Variants in MUCL3 observed in about 807,000 individuals in gnomAD.
The protein encoded by MUCL3 is mucin-like protein 3.
MUCL3 carries 42 observed loss-of-function variants against 70.2 expected under a neutral mutation model. That is an observed-to-expected ratio of 0.60 (90% confidence interval 0.47 to 0.77). The LOEUF is 0.77. Among genes scored for constraint, MUCL3 ranks in the 30% least tolerant of loss-of-function variants. The probability of loss-of-function intolerance (pLI) is 0.00; values close to 1 mark genes in which losing one functional copy is unlikely to be tolerated. For synonymous variants in MUCL3, 522 were observed against 647.0 expected, an observed-to-expected ratio of 0.81 and a Z score of 2.93; for missense variants, 1,429 against 1,670.0, an observed-to-expected ratio of 0.86 and a Z score of 2.52.
At chr6:30,944,353 C>T (rs1030516325) in intron 1 of MUCL3, among the ~76,000 whole-genome samples, 1 of 152,096 alleles carries the variant, frequency 6.6e-6, no homozygotes, top group African/African-American at 2.4e-5. Flanking sequence ...ATGATCTTGG[C>T]TCACTGCAGC....
Position 30,941,098 on chromosome 6 carries a change from G to T in MUCL3, c.82+17G>T. The T allele has an allele frequency of 6.5e-7, 1 of 1,548,376 alleles. No homozygotes were observed. ...GGGGGGCAGGTAAGATGCCCACAGG[G>T]GATACAGAAGACAGAAACAGCTTGT... On this transcript the variant is annotated intron_variant, in intron 1 of 2. Transcript: ENST00000462446.
At chr6:30,952,945 TTCC>T (rs1760784840) in intron 2 of MUCL3, 23 bp from the exon 3 acceptor site, 3 of 1,612,416 alleles carry the variant, frequency 1.9e-6, no homozygotes, top group Non-Finnish European at 2.5e-6. Context: ...ATGGTTCTCA[TTCC>T]TCCTTTCTCA....
rs140272417 is a variant in MUCL3, at chr6:30,951,933, G to C, written c.3469G>C (p.Glu1157Gln). 4.9e-5 allele frequency: 79 copies of C among 1,613,116 alleles called. No individual in the cohort carries two copies. In the South Asian group the frequency reaches 8.2e-4, roughly 17 times the overall value. Residue 1157 changes from glutamate (E) to glutamine (Q), a missense_variant, in exon 2 of 3, where the codon GAG becomes CAG. Coordinates refer to ENST00000462446, the MANE Select transcript of MUCL3 (RefSeq NM_080870.4). ...KHAKRTTLAH[E>Q]KMTQVTEKST... ...TGCAAAAAGGACCACATTGGCCCAT[G>C]AGAAGATGACACAAGTCACAGAAAA...
Position 30,951,607 on chromosome 6 carries a change from C to A in MUCL3, c.3143C>A (p.Thr1048Asn), listed in dbSNP as rs748586278. 1.6e-5 allele frequency: 24 copies of A among 1,542,258 alleles called. 1 individual carries two copies. In the South Asian group the frequency reaches 2.6e-4, roughly 17 times the overall value. The change falls in exon 2 of 3, where the codon ACC (threonine) becomes AAC (asparagine). Residue 1048 changes from threonine (T) to asparagine (N), a missense_variant. Thr to Asn is a moderately conservative substitution (Grantham distance 65). Transcript: ENST00000462446. ...PAKPTEHEEM[T>N]PSANENTTPS... is the part of the protein sequence containing the mutation. The stretch of plus-strand genomic sequence containing the variant: ...AAGCCTACAGAACACGAAGAAATGA[C>A]CCCATCGGCCAATGAGAACACCACA...
At position 30,951,151 on chromosome 6, in the gene MUCL3, C is replaced by T. The variant is rs1760658883; in HGVS notation, c.2687C>T (p.Ser896Phe). ...TPLANEKTTL[S>F]PAEPTENGER... ...TTGGCCAATGAGAAGACCACACTAT[C>T]CCCAGCAGAGCCTACAGAAAATGGA... The change falls in exon 2 of 3, where the codon TCC (serine) becomes TTC (phenylalanine). Residue 896 changes from serine (S) to phenylalanine (F), a missense_variant. By Grantham distance (155) the Ser-to-Phe change is radical. Coordinates refer to ENST00000462446, the MANE Select transcript of MUCL3 (RefSeq NM_080870.4). 6.4e-7 allele frequency: 1 copy of T among 1,551,590 alleles called. No homozygotes were observed. The highest frequency in any genetic ancestry group is 1.4e-5 in the African/African-American group (1 of 72,808).
chr6:30,944,077 T>C (rs1379676206), intron 1 of MUCL3, among the ~76,000 whole-genome samples: 4 of 152,184 alleles, frequency 2.6e-5, no homozygotes, highest in Admixed American at 6.5e-5. Flanking sequence ...AAATGGAGCA[T>C]GCCATTTATG....
chr6:30,946,272 C>T (rs1171517732), intron 1 of MUCL3: 1 of 152,238 alleles, frequency 6.6e-6, no homozygotes, highest in East Asian at 1.9e-4. Context: ...ATGGTCCATA[C>T]TTCCTTTAAT....
chr6:30,941,457 CTT>C (rs9278811), intron 1 of MUCL3, among the ~76,000 whole-genome samples: 25,401 of 103,710 alleles, frequency 0.24, 2,536 homozygotes, highest in East Asian at 0.4. Context: ...TCTTCTTCTT[CTT>C]TTTTTTTTTT....
rs974639510 is a variant in MUCL3, at chr6:30,951,674, A to G, written c.3210A>G (p.Thr1070=). 3.2e-6 allele frequency: 5 copies of G among 1,552,202 alleles called. No homozygotes were observed. The highest frequency in any genetic ancestry group is 4.4e-6 in the Non-Finnish European group (5 of 1,147,030). ...CTACAGAACATGGAGAAAAGACTAC[A>G]TTGGCCAATGAGAAGATCACACTAT... is the stretch of plus-strand genomic sequence containing the variant. ...VKPTEHGEKT[T]LANEKITLSP... Residue 1070 remains threonine, a synonymous_variant, in exon 2 of 3, where the codon ACA becomes ACG. Transcript: ENST00000462446.
chr6:30,951,438 G>A lies in MUCL3; in HGVS notation c.2974G>A (p.Glu992Lys), dbSNP rs1760683073. ...ENGERTPLAN[E>K]NTTTSPTEST... ...TGGAGAAAGGACCCCACTGGCCAAT[G>A]AGAACACCACAACATCCCCAACAGA... Residue 992 changes from glutamate (E) to lysine (K), a missense_variant, in exon 2 of 3, where the codon GAG becomes AAG. Coordinates refer to ENST00000462446, the MANE Select transcript of MUCL3 (RefSeq NM_080870.4). The A allele has an allele frequency of 3.2e-6, 5 of 1,550,720 alleles. No individual in the cohort carries two copies. The highest frequency in any genetic ancestry group is 1.4e-5 in the African/African-American group (1 of 72,550).
Position 30,951,089 on chromosome 6 carries a change from C to T in MUCL3, c.2625C>T (p.Ser875=). ...EWTANENTTL[S]PAEPTEHEEM... The stretch of plus-strand genomic sequence containing the variant: ...CAGCCAATGAGAACACCACACTATC[C>T]CCAGCAGAGCCTACAGAACATGAAG... The change falls in exon 2 of 3, where the codon TCC becomes TCT. Residue 875 remains serine (S), a synonymous_variant. Transcript: ENST00000462446. 1 of 1,551,208 alleles carries T rather than the reference C, an allele frequency of 6.4e-7. No individual in the cohort carries two copies. The highest frequency in any genetic ancestry group is 1.2e-5 in the South Asian group (1 of 84,014).
In MUCL3 at chr6:30,953,856, A is replaced by T. The variant is rs573562520; in HGVS notation, c.*739A>T. On this transcript the variant is annotated 3_prime_UTR_variant, in exon 3 of 3. Transcript: ENST00000462446. Reference sequence around the variant, plus strand: ...CTTGCTGGGTTGTGGGTGGACACGCAAGGAGGGGATTTTTATTTGGCCAGC... The same window carrying T: ...CTTGCTGGGTTGTGGGTGGACACGCTAGGAGGGGATTTTTATTTGGCCAGC... 1 of 152,078 alleles carries T rather than the reference A, an allele frequency of 6.6e-6. No homozygotes were observed. Among genetic ancestry groups the T allele is most frequent in the Non-Finnish European group, 1.5e-5 (1 of 68,006 alleles). The allele number at this position is 152,078 out of a possible 1,614,324, so 9.4% of individuals were successfully genotyped here.
chr6:30,949,134 T>A lies in MUCL3; in HGVS notation c.670T>A (p.Ser224Thr), dbSNP rs1261862102. 12 of 1,551,290 alleles carry A rather than the reference T, an allele frequency of 7.7e-6. No individual in the cohort carries two copies. Among genetic ancestry groups the A allele is most frequent in the Non-Finnish European group, 1.0e-5 (12 of 1,146,922 alleles). ...TTCACAGACCAAGCAAAAAAGCACA[T>A]CTTTTCCAGAAAAAATCACAGCAGC... ...GNSQTKQKST[S>T]FPEKITAASK... Residue 224 changes from serine to threonine, a missense_variant, in exon 2 of 3, where the codon TCT becomes ACT. Transcript: ENST00000462446.
At chr6:30,944,496 G>T (rs2150605654) in intron 1 of MUCL3, among the ~76,000 whole-genome samples, 1 of 152,318 alleles carries the variant, frequency 6.6e-6, no homozygotes. Context: ...TGGCCAGGCT[G>T]GTCTCGAACT....
In MUCL3 at chr6:30,951,312, G is replaced by T; in HGVS notation, c.2848G>T (p.Ala950Ser). The stretch of plus-strand genomic sequence containing the variant: ...GCCTACAGAACATGGAGAAAGGATA[G>T]CCAATGAGAAGGCCACACCATCCCC... ...AEPTEHGERI[A>S]NEKATPSPAK... The change falls in exon 2 of 3, where the codon GCC (alanine) becomes TCC (serine). Residue 950 changes from alanine (A) to serine (S), a missense_variant. By Grantham distance (99) the Ala-to-Ser change is moderately conservative (BLOSUM62 1). Coordinates refer to ENST00000462446, the MANE Select transcript of MUCL3 (RefSeq NM_080870.4). 1 of 1,548,832 alleles carries T rather than the reference G, an allele frequency of 6.5e-7. No homozygotes were observed. The highest frequency in any genetic ancestry group is 8.7e-7 in the Non-Finnish European group (1 of 1,146,128).
Position 30,953,776 on chromosome 6 carries a change from C to G in MUCL3, c.*659C>G, listed in dbSNP as rs1760832003. On this transcript the variant is annotated 3_prime_UTR_variant, in exon 3 of 3. Coordinates refer to ENST00000462446, the MANE Select transcript of MUCL3 (RefSeq NM_080870.4). ...TCATCTACATGGTTGCTTCCTCTTCCTCCCAAATCCCTTAGTTTTCCTAAA... is the reference window on the plus strand; with the variant it reads ...TCATCTACATGGTTGCTTCCTCTTCGTCCCAAATCCCTTAGTTTTCCTAAA... The G allele has an allele frequency of 6.6e-6, 1 of 152,280 alleles. No individual in the cohort carries two copies. The highest frequency in any genetic ancestry group is 2.4e-5 in the African/African-American group (1 of 41,438). 9.4% of individuals were successfully genotyped at this position (152,280 alleles called of 1,614,324 possible).
intron 1 of MUCL3, 93 bp from the exon 2 acceptor site, chr6:30,948,454 G>C: frequency 1.0e-6 from 1 of 1,002,034 alleles, no homozygotes; most frequent in Non-Finnish European, 1.4e-6. Context: ...TCATATCAGG[G>C]GGAACAAAGA....
rs1760797780 is a variant in MUCL3, at chr6:30,953,123, G to C, written c.*6G>C. The C allele has an allele frequency of 3.1e-6, 5 of 1,613,788 alleles. No homozygotes were observed. In the East Asian group the frequency reaches 1.1e-4, roughly 36 times the overall value. On this transcript the variant is annotated 3_prime_UTR_variant, in exon 3 of 3. Coordinates refer to ENST00000462446, the MANE Select transcript of MUCL3 (RefSeq NM_080870.4). ...AGATCCCTTCCCCACGGTGATCTTG[G>C]AGTAGGCGCCCAGCCCTGGCTCTTC...
chr6:30,951,961 C>T lies in MUCL3; in HGVS notation c.3497C>T (p.Ser1166Phe). 2 of 1,612,492 alleles carry T rather than the reference C, an allele frequency of 1.2e-6. No homozygotes were observed. The highest frequency in any genetic ancestry group is 1.7e-6 in the Non-Finnish European group (2 of 1,179,684). ...HEKMTQVTEK[S>F]TEHPEKTTST... ...AAGATGACACAAGTCACAGAAAAGT[C>T]CACAGAACACCCAGAAAAGACCACG... The change falls in exon 2 of 3, where the codon TCC becomes TTC. Residue 1166 changes from serine (S) to phenylalanine (F), a missense_variant. Coordinates refer to ENST00000462446, the MANE Select transcript of MUCL3 (RefSeq NM_080870.4).
Sources: allele counts gnomAD v4.1 joint callset (sites outside exome capture counted in the v4.1 genomes callset), GRCh38; gene constraint gnomAD v4.1.1; transcripts MANE v1.5; gene names NCBI Gene and HGNC (gene_info 2026-07-23, HGNC 2026-07-21).